Variants in GPN1 observed in about 807,000 individuals in gnomAD.
The protein encoded by GPN1 is ATP(GTP)-binding protein.
A neutral mutation model predicts 55.9 loss-of-function variants in GPN1; 44 were observed. The ratio of observed to expected loss-of-function variants is 0.79; its 90% CI spans 0.62 to 1.01. The LOEUF (loss-of-function observed/expected upper bound fraction) is 1.01. Ranked by LOEUF, GPN1 falls within the 50% of genes least tolerant of loss-of-function variation. The pLI is 0.00. For missense variants in GPN1, 466 were observed against 462.8 expected (o/e 1.01, Z -0.06); for synonymous variants, 179 against 162.5 (o/e 1.10, Z -0.77).
At chr2:27,641,331 G>C in intron 11 of GPN1, 52 bp downstream of exon 11, 1 of 1,276,436 alleles carries the variant, frequency 7.8e-7, no homozygotes, top group Non-Finnish European at 1.1e-6. Context: ...AAAAAACCCA[G>C]CTCAATCTTG....
At position 27,631,873 on chromosome 2, in the gene GPN1, C is replaced by T; in HGVS notation, c.285C>T (p.Leu95=). The part of the protein sequence containing the change: ...LGPNGGIVTS[L]NLFATRFDQV... The stretch of plus-strand genomic sequence containing the variant: ...CCAATGGCGGCATAGTGACCTCACT[C>T]AATCTCTTTGCTACCAGATTTGATC... Residue 95 remains leucine, a synonymous_variant, in exon 4 of 14, where the codon CTC becomes CTT. Coordinates refer to ENST00000610189, the MANE Select transcript of GPN1 (RefSeq NM_007266.4). The T allele has an allele frequency of 6.2e-7, 1 of 1,600,462 alleles. No individual in the cohort carries two copies. The highest frequency in any genetic ancestry group is 1.1e-5 in the South Asian group (1 of 90,780).
intron 13 of GPN1, among the ~76,000 whole-genome samples, chr2:27,649,523 CTT>C (rs376145126): frequency 6.6e-6 from 1 of 151,946 alleles, no homozygotes; most frequent in African/African-American, 2.4e-5. Flanking sequence ...CCTCATGCCC[CTT>C]TTTTTTCAGT....
chr2:27,647,809 T>C (rs746614685), intron 12 of GPN1, 27 bp from the exon 13 acceptor site: 2 of 1,313,758 alleles, frequency 1.5e-6, no homozygotes, highest in Non-Finnish European at 2.2e-6. Flanking sequence ...TGAGGAGGCA[T>C]ATCACTGATA....
chr2:27,632,806 GCAAAT>G (rs980155905), intron 5 of GPN1, 136 bp downstream of exon 5: 2 of 619,140 alleles, frequency 3.2e-6, no homozygotes, highest in African/African-American at 3.7e-5. Flanking sequence ...AAAAAAATTG[GCAAAT>G]CATTAAGATG....
intron 9 of GPN1, among the ~76,000 whole-genome samples, chr2:27,639,827 ATCTT>A (rs1023957949): frequency 6.6e-6 from 1 of 152,104 alleles, no homozygotes; most frequent in African/African-American, 2.4e-5. Flanking sequence ...CTCAGGCCAT[ATCTT>A]TCTTTTTCAA....
At position 27,629,112 on chromosome 2, in the gene GPN1, C is replaced by T. The variant is rs1465011693; in HGVS notation, c.54C>T (p.His18=). 1.9e-6 allele frequency: 3 copies of T among 1,614,206 alleles called. No homozygotes were observed. The highest frequency in any genetic ancestry group is 4.5e-5 in the East Asian group (2 of 44,876). The change falls in exon 1 of 14, where the codon CAC becomes CAT. Residue 18 remains histidine, a synonymous_variant. Coordinates refer to ENST00000610189, the MANE Select transcript of GPN1 (RefSeq NM_007266.4). ...TCCAGGCTTCTGGGGGTCCGCGGCA[C>T]CCAGTGTGTCTGTTGGTGTTGGGAA... ...AELQASGGPR[H]PVCLLVLGMA...
At chr2:27,629,534 T>A in intron 1 of GPN1, 1 of 826,120 alleles carries the variant, frequency 1.2e-6, no homozygotes, top group Non-Finnish European at 2.0e-6. Context: ...CCTGTCATGT[T>A]CCATTCACTG....
rs754811714 is a variant in GPN1 at position 27,638,839 on chromosome 2, C to T, written c.571-46C>T. ...CACTTAATTAAAAGAATAAATTTTG[C>T]GTTTGTTGGCTCTGGTTGCTCATAA... On this transcript the variant is annotated intron_variant, in intron 8 of 13. Coordinates refer to ENST00000610189, the MANE Select transcript of GPN1 (RefSeq NM_007266.4). 1.2e-5 allele frequency: 19 copies of T among 1,525,234 alleles called. No homozygotes were observed. The East Asian group carries it at 3.2e-4, about 26-fold the overall frequency. 94.5% of individuals were successfully genotyped at this position (1,525,234 alleles called of 1,614,324 possible).
intron 12 of GPN1, among the ~76,000 whole-genome samples, chr2:27,645,789 G>A (rs1017654242): frequency 2.0e-5 from 3 of 151,928 alleles, no homozygotes; most frequent in Non-Finnish European, 4.4e-5. Flanking sequence ...GAGTGCAGTG[G>A]TGTGATCTTG....
chr2:27,636,764 T>G (rs1673750758), intron 7 of GPN1, among the ~76,000 whole-genome samples: 1 of 152,122 alleles, frequency 6.6e-6, no homozygotes, highest in East Asian at 1.9e-4. Context: ...CATGAGCCAC[T>G]GTGCCTGGCC....
At chr2:27,630,386 G>GTT (rs202052577) in intron 2 of GPN1, among the ~76,000 whole-genome samples, 245 of 82,464 alleles carry the variant, frequency 3.0e-3, no homozygotes, top group Non-Finnish European at 3.7e-3. Flanking sequence ...AACAGCTTAG[G>GTT]TTTTTTTTTT....
chr2:27,640,267 C>A, intron 10 of GPN1, 142 bp downstream of exon 10: 1 of 671,662 alleles, frequency 1.5e-6, no homozygotes, highest in Non-Finnish European at 2.6e-6. Context: ...AATCAGACCA[C>A]ACTTAGGGGT....
upstream of GPN1, chr2:27,629,048 C>G: frequency 6.2e-7 from 1 of 1,614,088 alleles, no homozygotes; most frequent in South Asian, 1.1e-5. Context: ...GTGGGTGGGG[C>G]CAGGAGGAAG....
Position 27,641,231 on chromosome 2 carries a change from T to C in GPN1, c.801-9T>C. 1.3e-6 allele frequency: 2 copies of C among 1,594,568 alleles called. No individual in the cohort carries two copies. The highest frequency in any genetic ancestry group is 1.7e-6 in the Non-Finnish European group (2 of 1,162,596). On this transcript the variant is annotated splice_polypyrimidine_tract_variant and intron_variant, in intron 10 of 13. Transcript: ENST00000610189. ...AGCAAAGGAATTTAGAAAGTGTTTC[T>C]CTTTACAGGGAGTATCGTCCTGAAT... is the stretch of plus-strand genomic sequence containing the variant.
intron 7 of GPN1, among the ~76,000 whole-genome samples, chr2:27,636,897 G>A (rs907293488): frequency 2.0e-5 from 3 of 152,134 alleles, no homozygotes; most frequent in Non-Finnish European, 4.4e-5. Flanking sequence ...TGCCCAGGCT[G>A]GTTTTGAACT....
At chr2:27,640,435 C>A (rs1045261300) in intron 10 of GPN1, among the ~76,000 whole-genome samples, 2 of 152,188 alleles carry the variant, frequency 1.3e-5, no homozygotes, top group Admixed American at 6.5e-5. Context: ...CAACTGCTCA[C>A]GTCTGCCATT....
At chr2:27,646,198 C>T (rs895926403) in intron 12 of GPN1, among the ~76,000 whole-genome samples, 5 of 151,914 alleles carry the variant, frequency 3.3e-5, no homozygotes, top group Non-Finnish European at 5.9e-5. Flanking sequence ...CATGCCACCA[C>T]GCCCAGCTAA....
At chr2:27,634,762 C>A (rs1404974863) in intron 5 of GPN1, 84 bp from the exon 6 acceptor site, 1 of 840,750 alleles carries the variant, frequency 1.2e-6, no homozygotes, top group Non-Finnish European at 2.1e-6. Flanking sequence ...TCTTGGATAA[C>A]CAGATGTTTA....
Position 27,631,040 on chromosome 2 carries a change from T to A in GPN1, c.219T>A (p.Thr73=). The A allele has an allele frequency of 1.5e-6, 2 of 1,369,376 alleles. No individual in the cohort carries two copies. Among genetic ancestry groups the A allele is most frequent in the Non-Finnish European group, 1.0e-6 (1 of 959,036 alleles). 84.8% of individuals were successfully genotyped at this position (1,369,376 alleles called of 1,614,324 possible). ...PFPANIDIRD[T]VKYKEVMKQY... ...TTTTCTCCTCAGATATTCGTGATAC[T>A]GTAAAGTATAAAGAAGTAATGAAAC... The change falls in exon 3 of 14, where the codon ACT becomes ACA. Residue 73 remains threonine, a synonymous_variant. Transcript: ENST00000610189.
Sources: allele counts gnomAD v4.1 joint callset (sites outside exome capture counted in the v4.1 genomes callset), GRCh38; gene constraint gnomAD v4.1.1; transcripts MANE v1.5; gene names NCBI Gene and HGNC (gene_info 2026-07-23, HGNC 2026-07-21).